The following CSGALNACT1 variants were observed in gnomAD, a reference collection of about 807,000 sequenced individuals.
CSGALNACT1 encodes the protein chondroitin sulfate N-acetylgalactosaminyltransferase 1, also known as beta4GalNAcT-1.
A neutral mutation model predicts 51.0 loss-of-function variants in CSGALNACT1; 52 were observed. The observed-to-expected ratio is 1.02, with a 90% CI of 0.82 to 1.29. The LOEUF is 1.29. CSGALNACT1 is among the 50% of genes most tolerant of loss of function. The probability of loss-of-function intolerance (pLI) is 0.00; values close to 1 mark genes in which losing one functional copy is unlikely to be tolerated. For synonymous variants in CSGALNACT1, 341 were observed against 254.4 expected, an observed-to-expected ratio of 1.34 and a Z score of -3.24; for missense variants, 935 against 679.2, an observed-to-expected ratio of 1.38 and a Z score of -4.19.
intron 1 of CSGALNACT1, among the ~76,000 whole-genome samples, chr8:19,653,431 C>T (rs1049653105): frequency 1.3e-5 from 2 of 152,116 alleles, no homozygotes; most frequent in South Asian, 2.1e-4. Flanking sequence ...GCCTCAGGGG[C>T]CTACCCTGCA....
At chr8:19,725,121 A>T (rs771752833) in intron 1 of CSGALNACT1, among the ~76,000 whole-genome samples, 7 of 152,214 alleles carry the variant, frequency 4.6e-5, no homozygotes, top group Non-Finnish European at 1.0e-4. Context: ...AAAAAACTAC[A>T]GAAGATCAGA....
At chr8:19,489,283 A>C (rs2073828588) in intron 4 of CSGALNACT1, among the ~76,000 whole-genome samples, 1 of 152,228 alleles carries the variant, frequency 6.6e-6, no homozygotes, top group African/African-American at 2.4e-5. Flanking sequence ...AGAATGAAAT[A>C]GTCATAGGAA....
intron 2 of CSGALNACT1, among the ~76,000 whole-genome samples, chr8:19,594,771 C>T (rs1220279487): frequency 3.3e-5 from 5 of 151,676 alleles, no homozygotes; most frequent in Non-Finnish European, 7.4e-5. Flanking sequence ...AGGCTGGTCT[C>T]GAACTCCTGA....
At chr8:19,478,937 G>A (rs2070577999) in intron 4 of CSGALNACT1, among the ~76,000 whole-genome samples, 2 of 152,246 alleles carry the variant, frequency 1.3e-5, no homozygotes, top group Admixed American at 1.3e-4. Context: ...TGGATGGTAG[G>A]AAAAACACCA....
chr8:19,601,098 G>A (rs917037133), intron 2 of CSGALNACT1, among the ~76,000 whole-genome samples: 2 of 151,956 alleles, frequency 1.3e-5, no homozygotes, highest in African/African-American at 4.8e-5. Flanking sequence ...TTTAAGTTTA[G>A]TCTTATCAGA....
intron 3 of CSGALNACT1, among the ~76,000 whole-genome samples, chr8:19,523,652 A>C (rs1203696163): frequency 6.6e-6 from 1 of 152,166 alleles, no homozygotes; most frequent in African/African-American, 2.4e-5. Flanking sequence ...ATAATGTTAT[A>C]AACAATGTGA....
At chr8:19,512,316 A>C (rs1483681449) in intron 3 of CSGALNACT1, among the ~76,000 whole-genome samples, 2 of 152,208 alleles carry the variant, frequency 1.3e-5, no homozygotes, top group Admixed American at 6.5e-5. Flanking sequence ...CTGCAGCTAC[A>C]GGTAAGGCCT....
chr8:19,664,035 C>T (rs971202523), intron 1 of CSGALNACT1, among the ~76,000 whole-genome samples: 2 of 152,136 alleles, frequency 1.3e-5, no homozygotes, highest in Non-Finnish European at 2.9e-5. Flanking sequence ...AAAGCGCGGG[C>T]CAGGGGTAGG....
chr8:19,725,349 T>C (rs1242051463), intron 1 of CSGALNACT1, among the ~76,000 whole-genome samples: 1 of 152,118 alleles, frequency 6.6e-6, no homozygotes, highest in African/African-American at 2.4e-5. Context: ...AGTAGCTTGG[T>C]AAATAAGATG....
At chr8:19,612,302 C>T (rs930000367) in intron 1 of CSGALNACT1, among the ~76,000 whole-genome samples, 4 of 151,562 alleles carry the variant, frequency 2.6e-5, no homozygotes, top group Non-Finnish European at 5.9e-5. Context: ...AAGATCGCAC[C>T]ACTGCACTCC....
At chr8:19,436,314 A>T (rs1234250520) in intron 6 of CSGALNACT1, among the ~76,000 whole-genome samples, 2 of 152,176 alleles carry the variant, frequency 1.3e-5, no homozygotes, top group East Asian at 3.8e-4. Flanking sequence ...AGCATATTAG[A>T]GTGAACAGGT....
intron 3 of CSGALNACT1, among the ~76,000 whole-genome samples, chr8:19,555,234 G>A (rs1588269341): frequency 6.6e-6 from 1 of 151,826 alleles, no homozygotes; most frequent in East Asian, 1.9e-4. Flanking sequence ...GCAAGACTCT[G>A]TTTCAAAAAA....
chr8:19,545,003 AT>A (rs530577048), intron 3 of CSGALNACT1, among the ~76,000 whole-genome samples: 27,210 of 147,980 alleles, frequency 0.18, 2,588 homozygotes, highest in African/African-American at 0.23. Context: ...CCTTTCAGAC[AT>A]TTTTTTTTTT....
chr8:19,505,829 C>G (rs771012076), exon 4 of CSGALNACT1: 1 of 1,611,100 alleles, frequency 6.2e-7, no homozygotes, highest in East Asian at 2.2e-5. Flanking sequence ...GGCGAACCAT[C>G]ATCATTCAGG....
chr8:19,713,892 G>A, intron 1 of CSGALNACT1, among the ~76,000 whole-genome samples: 1 of 152,372 alleles, frequency 6.6e-6, no homozygotes, highest in East Asian at 1.9e-4. Flanking sequence ...GGAAGAAAGA[G>A]AGAAGCCAAG....
chr8:19,662,588 A>G (rs950625562), intron 1 of CSGALNACT1, among the ~76,000 whole-genome samples: 6 of 152,222 alleles, frequency 3.9e-5, no homozygotes, highest in African/African-American at 1.2e-4. Context: ...CTTTCTTAGG[A>G]AGACCTCCCA....
At chr8:19,407,826 T>C (rs1471733820) in intron 9 of CSGALNACT1, among the ~76,000 whole-genome samples, 3 of 151,808 alleles carry the variant, frequency 2.0e-5, no homozygotes, top group African/African-American at 7.3e-5. Context: ...ATGTGGACAT[T>C]TGTGTATATG....
chr8:19,482,253 G>T (rs1469181598), intron 4 of CSGALNACT1, among the ~76,000 whole-genome samples: 1 of 152,206 alleles, frequency 6.6e-6, no homozygotes, highest in Non-Finnish European at 1.5e-5. Context: ...TGTGGCTAGT[G>T]AAATTGAGGA....
chr8:19,669,831 C>T (rs887774072), intron 1 of CSGALNACT1, among the ~76,000 whole-genome samples: 1 of 152,132 alleles, frequency 6.6e-6, no homozygotes, highest in African/African-American at 2.4e-5. Context: ...AATTTGCATG[C>T]TGAAAACAGC....
Sources: allele counts gnomAD v4.1 joint callset (sites outside exome capture counted in the v4.1 genomes callset), GRCh38; gene constraint gnomAD v4.1.1; transcripts MANE v1.5; gene names NCBI Gene and HGNC (gene_info 2026-07-23, HGNC 2026-07-21).